PLXNA4: variants seen among roughly 807,000 people sequenced by gnomAD.
The protein encoded by PLXNA4 is plexin-A4.
PLXNA4 carries 44 observed loss-of-function variants against 191.8 expected under a neutral mutation model. That is an observed-to-expected ratio of 0.23 (90% confidence interval 0.18 to 0.29). The LOEUF is 0.29. PLXNA4 is among the 10% of genes least tolerant of loss of function. The probability of loss-of-function intolerance (pLI) is 1.00; values close to 1 mark genes in which losing one functional copy is unlikely to be tolerated. For synonymous variants in PLXNA4, 1,082 were observed against 1,009.5 expected (o/e 1.07, Z -1.36); for missense variants, 1,800 against 2,488.8 (o/e 0.72, Z 5.89).
rs780325118 is a variant in PLXNA4, at chr7:132,180,709, C to A, written c.3516G>T (p.Val1172=). ...AGTTCAGCTTCACGTTGCCCCCAGC[C>A]ACAGGCGGGATCAGGTTCTTGCCCT... ...ILKGKNLIPP[V]AGGNVKLNYT... The change falls in exon 19 of 32, where the codon GTG becomes GTT. Residue 1172 remains valine, a synonymous_variant. Transcript: ENST00000321063. 1 of 1,614,174 alleles carries A rather than the reference C, an allele frequency of 6.2e-7. No individual in the cohort carries two copies. The highest frequency in any genetic ancestry group is 1.1e-5 in the South Asian group (1 of 91,078).
At chr7:132,132,918 T>G in intron 31 of PLXNA4, 131 bp downstream of exon 31, 1 of 1,318,530 alleles carries the variant, frequency 7.6e-7, no homozygotes, top group Non-Finnish European at 1.0e-6. Flanking sequence ...CAGCCCCAGG[T>G]CCTCAGTGGT....
At chr7:132,585,011 C>T (rs1369602571) in intron 2 of PLXNA4, among the ~76,000 whole-genome samples, 3 of 152,040 alleles carry the variant, frequency 2.0e-5, no homozygotes, top group African/African-American at 4.8e-5. Context: ...TGTGGGCTGC[C>T]GTGAAGGTCA....
intron 3 of PLXNA4, among the ~76,000 whole-genome samples, chr7:132,483,929 C>A (rs1797441918): frequency 1.3e-5 from 2 of 152,130 alleles, no homozygotes; most frequent in South Asian, 4.1e-4. Context: ...ATGAGAACAC[C>A]TCCCCGGGTT....
At chr7:132,189,521 T>A (rs1797021748) in intron 14 of PLXNA4, among the ~76,000 whole-genome samples, 2 of 152,244 alleles carry the variant, frequency 1.3e-5, no homozygotes, top group Admixed American at 6.5e-5. Context: ...ACCCACAAAT[T>A]GGAGTCTGGC....
chr7:132,188,607 C>T (rs1796957337), intron 14 of PLXNA4, among the ~76,000 whole-genome samples: 1 of 152,116 alleles, frequency 6.6e-6, no homozygotes, highest in Admixed American at 6.5e-5. Flanking sequence ...ACCACAGCTC[C>T]TGACCTGCCT....
intron 3 of PLXNA4, among the ~76,000 whole-genome samples, chr7:132,332,655 C>T (rs146597271): frequency 1.7e-3 from 252 of 151,936 alleles, no homozygotes; most frequent in African/African-American, 6.0e-3. Flanking sequence ...TCAAGACCAG[C>T]CTGGGCAACA....
intron 4 of PLXNA4, among the ~76,000 whole-genome samples, chr7:132,283,280 T>A (rs1182396144): frequency 6.6e-6 from 1 of 152,214 alleles, no homozygotes. Flanking sequence ...GAATTCCTGT[T>A]GAGAACTATG....
At chr7:132,309,562 AG>A (rs556727870) in intron 3 of PLXNA4, among the ~76,000 whole-genome samples, 25 of 152,198 alleles carry the variant, frequency 1.6e-4, no homozygotes, top group African/African-American at 4.3e-4. Flanking sequence ...GCAGTGACAA[AG>A]GGGTTAATGC....
intron 4 of PLXNA4, among the ~76,000 whole-genome samples, chr7:132,264,702 T>A (rs1799781956): frequency 8.8e-6 from 1 of 113,514 alleles, no homozygotes. Context: ...TTTTTTTTTT[T>A]CTTTTTCTTT....
At chr7:132,242,543 T>G (rs555604910) in intron 4 of PLXNA4, among the ~76,000 whole-genome samples, 1 of 152,224 alleles carries the variant, frequency 6.6e-6, no homozygotes, top group South Asian at 2.1e-4. Context: ...TCCCTTAACT[T>G]TCTTATTCCC....
At chr7:132,606,501 T>G (rs1802925794) in intron 2 of PLXNA4, among the ~76,000 whole-genome samples, 1 of 152,342 alleles carries the variant, frequency 6.6e-6, no homozygotes, top group East Asian at 1.9e-4. Context: ...TGCCACTCAG[T>G]TCAGCTGTAT....
chr7:132,224,231 A>G (rs2116960638), intron 8 of PLXNA4, among the ~76,000 whole-genome samples: 1 of 152,302 alleles, frequency 6.6e-6, no homozygotes, highest in East Asian at 1.9e-4. Flanking sequence ...CATACAGGCT[A>G]TGCCCTTCAC....
chr7:132,307,700 C>T (rs1024956400), intron 3 of PLXNA4, among the ~76,000 whole-genome samples: 4 of 152,200 alleles, frequency 2.6e-5, no homozygotes, highest in Non-Finnish European at 5.9e-5. Context: ...ACATCCGTGC[C>T]TTCCTGCCTT....
intron 4 of PLXNA4, among the ~76,000 whole-genome samples, chr7:132,261,338 C>T (rs1423952134): frequency 1.3e-5 from 2 of 152,208 alleles, no homozygotes; most frequent in Non-Finnish European, 2.9e-5. Context: ...GCAACGGACA[C>T]GAACTCACTT....
At chr7:132,257,086 C>G (rs1170439645) in intron 4 of PLXNA4, among the ~76,000 whole-genome samples, 1 of 152,212 alleles carries the variant, frequency 6.6e-6, no homozygotes, top group African/African-American at 2.4e-5. Context: ...CTGTGAATGG[C>G]AGTGCCAGGT....
At chr7:132,552,029 G>C (rs755147814) in intron 1 of PLXNA4, among the ~76,000 whole-genome samples, 1 of 152,142 alleles carries the variant, frequency 6.6e-6, no homozygotes, top group Non-Finnish European at 1.5e-5. Flanking sequence ...CTTATTAGCA[G>C]GTTTGCTGAG....
At chr7:132,392,958 T>C (rs1308277737) in intron 3 of PLXNA4, among the ~76,000 whole-genome samples, 1 of 152,108 alleles carries the variant, frequency 6.6e-6, no homozygotes, top group African/African-American at 2.4e-5. Flanking sequence ...GAGGACCTCC[T>C]CCGGTTGGCA....
intron 4 of PLXNA4, among the ~76,000 whole-genome samples, chr7:132,280,870 G>A (rs1267535559): frequency 2.0e-5 from 3 of 152,100 alleles, no homozygotes; most frequent in Non-Finnish European, 4.4e-5. Flanking sequence ...GATTTTGACT[G>A]CACACTTCAT....
intron 3 of PLXNA4, among the ~76,000 whole-genome samples, chr7:132,329,032 C>T (rs1390033069): frequency 2.6e-5 from 4 of 152,160 alleles, no homozygotes; most frequent in African/African-American, 9.7e-5. Flanking sequence ...TTTCAAAATC[C>T]AGATTCTCGG....
Sources: gnomAD v4.1 joint callset for allele counts (sites outside exome capture counted in the v4.1 genomes callset) on GRCh38, gnomAD v4.1.1 for gene constraint, MANE v1.5 for transcripts, NCBI Gene and HGNC (gene_info 2026-07-23, HGNC 2026-07-21) for gene names.